The following RAPGEF1 variants were observed in gnomAD, a reference collection of about 807,000 sequenced individuals.
RAPGEF1 encodes CRK SH3-binding GNRP.
A neutral mutation model predicts 143.3 loss-of-function variants in RAPGEF1; 33 were observed. That is an observed-to-expected ratio of 0.23 (90% CI 0.17 to 0.31). RAPGEF1 has a LOEUF of 0.31. Among genes scored for constraint, RAPGEF1 ranks in the 10% least tolerant of loss-of-function variants. The pLI is 1.00. For synonymous variants in RAPGEF1, 629 were observed against 676.5 expected (o/e 0.93, Z 1.09); for missense variants, 1,199 against 1,645.4 (o/e 0.73, Z 4.69).
chr9:131,697,295 C>A (rs577325378), intron 1 of RAPGEF1, among the ~76,000 whole-genome samples: 5 of 152,346 alleles, frequency 3.3e-5, no homozygotes, highest in African/African-American at 1.2e-4. Context: ...GTCACAGAGA[C>A]TTGAAATGGG....
At chr9:131,646,249 C>T (rs1969584637) in intron 3 of RAPGEF1, among the ~76,000 whole-genome samples, 1 of 152,116 alleles carries the variant, frequency 6.6e-6, no homozygotes, top group African/African-American at 2.4e-5. Flanking sequence ...AGCAACTTGC[C>T]TAAGGCCACA....
intron 1 of RAPGEF1, among the ~76,000 whole-genome samples, chr9:131,697,709 G>A (rs1169244803): frequency 2.6e-5 from 4 of 152,206 alleles, no homozygotes; most frequent in Admixed American, 2.6e-4. Flanking sequence ...TACAGGACTT[G>A]CTCAAGACTA....
rs1165010209 is a variant in RAPGEF1 at position 131,650,052 on chromosome 9, T to A, written c.315+77A>T. 4 of 1,236,164 alleles carry A rather than the reference T, an allele frequency of 3.2e-6. No individual in the cohort carries two copies. The highest frequency in any genetic ancestry group is 3.4e-6 in the Non-Finnish European group (3 of 875,138). 76.6% of individuals were successfully genotyped at this position (1,236,164 alleles called of 1,614,324 possible). The stretch of plus-strand genomic sequence containing the variant: ...ATAATAATAGTGCAATAGAGTTTTT[T>A]CCATCCCCAAAACCATGGACCAGGA... On this transcript the variant is annotated intron_variant, in intron 3 of 26. Transcript: ENST00000683357. This position sits in a 1 kb window ranked among gnomAD's most constrained non-coding sequence, Gnocchi z 4.7.
rs111405967 is a variant in RAPGEF1 at position 131,582,303 on chromosome 9, CAGGCTACAGA to C, written c.3512+292_3512+301del. ...AAGCATGGCTGCACATGCTCACGGG[CAGGCTACAGA>C]AGGAAATGAGAGTGGGGCTGGGGGC... On this transcript the variant is annotated intron_variant, in intron 25 of 26. Transcript: ENST00000683357. Among the ~76,000 whole-genome samples the C allele has an allele frequency of 7.2e-3, 1,095 of 152,166 alleles. 14 individuals are homozygous for C. Among genetic ancestry groups the C allele is most frequent in the African/African-American group, 0.025 (1,051 of 41,486 alleles).
At position 131,621,749 on chromosome 9, in the gene RAPGEF1, A is replaced by C; in HGVS notation, c.1905+47T>G. The C allele has an allele frequency of 1.3e-6, 2 of 1,525,750 alleles. No individual in the cohort carries two copies. The highest frequency in any genetic ancestry group is 1.8e-6 in the Non-Finnish European group (2 of 1,126,350). 94.5% of individuals were successfully genotyped at this position (1,525,750 alleles called of 1,614,324 possible). A position where few individuals can be genotyped will look rare whatever the true frequency, so the allele number is the denominator to read the frequency against. On this transcript the variant is annotated intron_variant, in intron 11 of 26. Coordinates refer to ENST00000683357, the MANE Select transcript of RAPGEF1 (RefSeq NM_001377935.1). The surrounding 1 kb of genome is among the most constrained non-coding windows in gnomAD (Gnocchi z 4.5). ...AGGAGGGTCATTCTGGTTCCTAGAG[A>C]CCTGCTAGGATCGGAAGTTCTAGTC...
At chr9:131,649,219 T>A (rs976938875) in intron 3 of RAPGEF1, among the ~76,000 whole-genome samples, 1 of 140,650 alleles carries the variant, frequency 7.1e-6, no homozygotes, top group Admixed American at 7.0e-5. Flanking sequence ...TTTTTTTTTT[T>A]TTTTTTTGTA....
At position 131,739,963 on chromosome 9, in the gene RAPGEF1, C is replaced by T. The variant is rs1454738808; in HGVS notation, c.-133G>A. 10 of 383,824 alleles carry T rather than the reference C, an allele frequency of 2.6e-5. No homozygotes were observed. The highest frequency in any genetic ancestry group is 3.2e-5 in the Non-Finnish European group (9 of 283,896). The allele number at this position is 383,824 out of a possible 1,614,324, so 23.8% of individuals were successfully genotyped here. On this transcript the variant is annotated 5_prime_UTR_variant, in exon 1 of 27. Transcript: ENST00000683357. The stretch of plus-strand genomic sequence containing the variant: ...CGGCCGCGGCCCTGCGCTCGGCGAC[C>T]GCGCTCCAGCCCGCCCGGGCCCAGC...
chr9:131,582,759 C>CCCCAGCAT, intron 24 of RAPGEF1, 57 bp from the exon 25 acceptor site: 3 of 1,442,674 alleles, frequency 2.1e-6, no homozygotes, highest in Non-Finnish European at 2.8e-6. Flanking sequence ...TGGGGCAATG[C>CCCCAGCAT]TGGGGCAGAG....
intron 1 of RAPGEF1, among the ~76,000 whole-genome samples, chr9:131,725,781 C>G (rs28779478): frequency 0.092 from 12,713 of 137,882 alleles, 684 homozygotes; most frequent in East Asian, 0.26. Flanking sequence ...TTTTTTGAGA[C>G]GGAGTCTTGC....
chr9:131,581,668 T>C lies in RAPGEF1; in HGVS notation c.3512+937A>G, dbSNP rs1426765476. On this transcript the variant is annotated intron_variant, in intron 25 of 26. Coordinates refer to ENST00000683357, the MANE Select transcript of RAPGEF1 (RefSeq NM_001377935.1). Reference sequence around the variant, plus strand: ...AGTGAGCCAAGATCATGCCACTGCATACCAGCCTGGGTGACAGAGTGAGAC... The same window carrying C: ...AGTGAGCCAAGATCATGCCACTGCACACCAGCCTGGGTGACAGAGTGAGAC... Among the ~76,000 whole-genome samples the C allele has an allele frequency of 2.0e-5, 3 of 151,004 alleles. No individual in the cohort carries two copies. The South Asian group carries it at 6.3e-4, about 32-fold the overall frequency.
chr9:131,577,891 A>G lies in RAPGEF1; in HGVS notation c.*1606T>C, dbSNP rs1398699263. 1.3e-5 allele frequency: 2 copies of G among 152,202 alleles called. No homozygotes were observed. Among genetic ancestry groups the G allele is most frequent in the Non-Finnish European group, 2.9e-5 (2 of 68,032 alleles). The allele number at this position is 152,202 out of a possible 1,614,324, so 9.4% of individuals were successfully genotyped here. ...GGACAAACAAAACACGGGAGAGGGG[A>G]AAAAGCCCACATTTTCTTCTTGATA... is the stretch of plus-strand genomic sequence containing the variant. On this transcript the variant is annotated 3_prime_UTR_variant, in exon 27 of 27. Coordinates refer to ENST00000683357, the MANE Select transcript of RAPGEF1 (RefSeq NM_001377935.1).
chr9:131,588,688 A>G, intron 20 of RAPGEF1, 113 bp downstream of exon 20: 7 of 1,149,068 alleles, frequency 6.1e-6, no homozygotes, highest in Non-Finnish European at 8.4e-6. Context: ...GCACCTCATC[A>G]AAGGGCCTGT....
intron 5 of RAPGEF1, among the ~76,000 whole-genome samples, chr9:131,632,787 G>GT (rs1266680930): frequency 1.4e-4 from 22 of 152,270 alleles, no homozygotes; most frequent in African/African-American, 5.3e-4. Context: ...AAGAATATAT[G>GT]TAATACAAAA....
chr9:131,710,310 C>T (rs1235125543), intron 1 of RAPGEF1, among the ~76,000 whole-genome samples: 1 of 152,154 alleles, frequency 6.6e-6, no homozygotes, highest in African/African-American at 2.4e-5. Flanking sequence ...ACCTCAGTCT[C>T]CAAAGAAGAA....
At position 131,643,339 on chromosome 9, in the gene RAPGEF1, C is replaced by T; in HGVS notation, c.394G>A (p.Ala132Thr). 1.2e-6 allele frequency: 2 copies of T among 1,613,780 alleles called. No homozygotes were observed. Among genetic ancestry groups the T allele is most frequent in the Non-Finnish European group, 1.7e-6 (2 of 1,179,810 alleles). ...ATCTCCAGTACCTTCTTATCAATTGCCATTTTGTCCACAATGGTCTTAAAG... is the reference window on the plus strand; with the variant it reads ...ATCTCCAGTACCTTCTTATCAATTGTCATTTTGTCCACAATGGTCTTAAAG... ...RYFKTIVDKM[A>T]IDKKVLEMLP... Residue 132 changes from alanine (A) to threonine (T), a missense_variant, in exon 4 of 27, where the codon GCA (alanine) becomes ACA (threonine). Ala to Thr is a moderately conservative substitution (Grantham distance 58, BLOSUM62 0). Coordinates refer to ENST00000683357, the MANE Select transcript of RAPGEF1 (RefSeq NM_001377935.1).
rs1963927051 is a variant in RAPGEF1 at position 131,628,491 on chromosome 9, T to C, written c.1017+58A>G. 24 of 1,592,680 alleles carry C rather than the reference T, an allele frequency of 1.5e-5. No individual in the cohort carries two copies. Among genetic ancestry groups the C allele is most frequent in the Non-Finnish European group, 2.1e-5 (24 of 1,166,748 alleles). On this transcript the variant is annotated intron_variant, in intron 8 of 26. Coordinates refer to ENST00000683357, the MANE Select transcript of RAPGEF1 (RefSeq NM_001377935.1). The surrounding 1 kb of genome is among the most constrained non-coding windows in gnomAD (Gnocchi z 5.7). ...GTTTCTTTCAGCTTCAGGAGCCACATCCCTGAGCCCCCCACCCCCTCCCTG... is the reference window on the plus strand; with the variant it reads ...GTTTCTTTCAGCTTCAGGAGCCACACCCCTGAGCCCCCCACCCCCTCCCTG...
intron 12 of RAPGEF1, among the ~76,000 whole-genome samples, chr9:131,615,544 A>G (rs941393516): frequency 6.6e-6 from 1 of 152,218 alleles, no homozygotes; most frequent in Admixed American, 6.5e-5. Context: ...GAAGCCCAGC[A>G]AACAGTCGAG....
intron 22 of RAPGEF1, among the ~76,000 whole-genome samples, chr9:131,585,147 C>T (rs952559790): frequency 6.6e-6 from 1 of 152,200 alleles, no homozygotes; most frequent in Non-Finnish European, 1.5e-5. Flanking sequence ...TCACAGGGGC[C>T]ACTACCAGGG....
At chr9:131,596,256 G>T in intron 17 of RAPGEF1, 42 bp downstream of exon 17, 2 of 1,598,310 alleles carry the variant, frequency 1.3e-6, no homozygotes, top group Non-Finnish European at 1.7e-6. Flanking sequence ...TGGCACCCGG[G>T]GCAGGACCAG....
Sources: gnomAD v4.1 joint callset for allele counts (sites outside exome capture counted in the v4.1 genomes callset) on GRCh38, gnomAD v4.1.1 for gene constraint, Gnocchi (gnomAD v3.1) non-coding constraint, MANE v1.5 for transcripts, NCBI Gene and HGNC (gene_info 2026-07-23, HGNC 2026-07-21) for gene names.